HDAC7: variants seen among roughly 807,000 people sequenced by gnomAD.
HDAC7 encodes the protein histone deacetylase 7, also known as histone deacetylase 7A.
A neutral mutation model predicts 115.5 loss-of-function variants in HDAC7; 26 were observed. The observed-to-expected ratio is 0.23, with a 90% CI of 0.16 to 0.31. The LOEUF is 0.31. Ranked by LOEUF, HDAC7 falls within the 10% of genes least tolerant of loss-of-function variation. The pLI, the probability that HDAC7 is intolerant of heterozygous loss-of-function variation, is 1.00. For synonymous variants in HDAC7, 564 were observed against 550.9 expected (o/e 1.02, Z -0.33); for missense variants, 1,068 against 1,329.0 (o/e 0.80, Z 3.05).
chr12:47,797,451 G>A lies in HDAC7; in HGVS notation c.510C>T (p.Ser170=). Residue 170 remains serine (S), a synonymous_variant, in exon 6 of 26, where the codon AGC becomes AGT. Transcript: ENST00000080059. This position sits in a 1 kb window ranked among gnomAD's most constrained non-coding sequence, Gnocchi z 5.5. Reference sequence around the variant, plus strand: ...GGCTGGGAACAGGAGGCAAAAAGCTGCTGAGCATGGAGCGGGTGGCTCCTT... The same window carrying A: ...GGCTGGGAACAGGAGGCAAAAAGCTACTGAGCATGGAGCGGGTGGCTCCTT... ...ETEGATRSML[S]SFLPPVPSLP... 3 of 1,614,196 alleles carry A rather than the reference G, an allele frequency of 1.9e-6. No individual in the cohort carries two copies. The highest frequency in any genetic ancestry group is 2.5e-6 in the Non-Finnish European group (3 of 1,180,014).
rs1190564229 is a variant in HDAC7, at chr12:47,791,686, G to A, written c.1833C>T (p.Ala611=). ...SQCECLRGRK[A]SLEELQSVHS... is the part of the protein sequence containing the mutation. ...GGACCGACTGCAGCTCTTCCAGGGAGGCCTTCCGGCCTCGGAGACACTGAA... is the reference window on the plus strand; with the variant it reads ...GGACCGACTGCAGCTCTTCCAGGGAAGCCTTCCGGCCTCGGAGACACTGAA... The change falls in exon 15 of 26, where the codon GCC becomes GCT. Residue 611 remains alanine (A), a synonymous_variant. Transcript: ENST00000080059. 7 of 1,613,620 alleles carry A rather than the reference G, an allele frequency of 4.3e-6. No individual in the cohort carries two copies. Among genetic ancestry groups the A allele is most frequent in the South Asian group, 1.1e-5 (1 of 91,074 alleles).
intron 8 of HDAC7, 87 bp from the exon 9 acceptor site, chr12:47,796,103 G>T (rs1464620903): frequency 6.6e-7 from 1 of 1,515,904 alleles, no homozygotes; most frequent in Non-Finnish European, 9.0e-7. Context: ...GCTCTGGCAG[G>T]GGCTGCCCAG....
At chr12:47,806,561 G>A (rs754691624) in intron 1 of HDAC7, among the ~76,000 whole-genome samples, 41 of 152,088 alleles carry the variant, frequency 2.7e-4, no homozygotes, top group Non-Finnish European at 5.3e-4. Flanking sequence ...TGGTGGCGGG[G>A]AGCATGTAGT....
In HDAC7 at chr12:47,793,534, C is replaced by G; in HGVS notation, c.1513G>C (p.Gly505Arg). The change falls in exon 13 of 26, where the codon GGG (glycine) becomes CGG (arginine). Residue 505 changes from glycine to arginine, a missense_variant. Around this residue, in one of 6 missense-constraint regions of HDAC7, gnomAD observed 618 missense variants for 701.5 expected, o/e 0.88. Transcript: ENST00000080059. This position sits in a 1 kb window ranked among gnomAD's most constrained non-coding sequence, Gnocchi z 4.5. ...LAGRLPRGST[G>R]DTVLLPLAQG... Reference sequence around the variant, plus strand: ...GCCAGAGGAAGCAGCACAGTGTCCCCGGTGCTGCCCCGGGGGAGCCGCCCA... The same window carrying G: ...GCCAGAGGAAGCAGCACAGTGTCCCGGGTGCTGCCCCGGGGGAGCCGCCCA... The G allele has an allele frequency of 6.5e-7, 1 of 1,547,734 alleles. No individual in the cohort carries two copies.
rs964610043 is a variant in HDAC7 at position 47,786,037 on chromosome 12, G to A, written c.2573-152C>T. On this transcript the variant is annotated intron_variant, in intron 22 of 25. Coordinates refer to ENST00000080059, the MANE Select transcript of HDAC7 (RefSeq NM_015401.5). The stretch of plus-strand genomic sequence containing the variant: ...CCAAAGTGCTTTCACATTGAATGTC[G>A]TACAAAACCTACTAGTATGCTTCAC... The A allele has an allele frequency of 1.2e-4, 97 of 800,004 alleles. 1 individual carries two copies. Among genetic ancestry groups the A allele is most frequent in the Middle Eastern group, 7.1e-4 (2 of 2,836 alleles). 49.6% of individuals were successfully genotyped at this position (800,004 alleles called of 1,614,324 possible).
At chr12:47,821,259 A>T (rs1303569149), upstream of HDAC7, among the ~76,000 whole-genome samples, 1 of 152,198 alleles carries the variant, frequency 6.6e-6, no homozygotes, top group Non-Finnish European at 1.5e-5. Flanking sequence ...CTGGCGGTGA[A>T]CTTCAAACCA....
chr12:47,804,100 T>G (rs929569980), intron 1 of HDAC7, among the ~76,000 whole-genome samples: 2 of 152,158 alleles, frequency 1.3e-5, no homozygotes, highest in Non-Finnish European at 2.9e-5. Flanking sequence ...ACTCTCTGGA[T>G]AGGAGAAAAA....
At chr12:47,792,294 C>T (rs1405532934) in intron 13 of HDAC7, 17 of 476,638 alleles carry the variant, frequency 3.6e-5, no homozygotes, top group East Asian at 1.5e-4. Context: ...CATGCGGACA[C>T]GACTGCTGGG....
chr12:47,784,708 G>T, intron 24 of HDAC7: 1 of 1,535,084 alleles, frequency 6.5e-7, no homozygotes, highest in Non-Finnish European at 8.7e-7. Flanking sequence ...CACCACGGCC[G>T]CTCTGCATGG....
intron 1 of HDAC7, among the ~76,000 whole-genome samples, chr12:47,815,382 G>T (rs11168250): frequency 0.16 from 24,009 of 152,202 alleles, 2,505 homozygotes; most frequent in Non-Finnish European, 0.23. Flanking sequence ...ACAGGTCTTA[G>T]AAGCCTTGAG....
chr12:47,783,515 C>T lies in HDAC7; in HGVS notation c.*326G>A, dbSNP rs1942977176. 8.1e-6 allele frequency: 3 copies of T among 370,490 alleles called. No homozygotes were observed. Among genetic ancestry groups the T allele is most frequent in the Admixed American group, 3.7e-5 (1 of 26,710 alleles). 23.0% of individuals were successfully genotyped at this position (370,490 alleles called of 1,614,324 possible). On this transcript the variant is annotated 3_prime_UTR_variant, in exon 26 of 26. Coordinates refer to ENST00000080059, the MANE Select transcript of HDAC7 (RefSeq NM_015401.5). The stretch of plus-strand genomic sequence containing the variant: ...GAATAGTGGTTAAGGGTGAGCCCGA[C>T]GGAGCCGGAGCCAGTCCTCCTCTGT...
At position 47,795,684 on chromosome 12, in the gene HDAC7, G is replaced by A. The variant is rs1050433266; in HGVS notation, c.990C>T (p.Pro330=). 9.7e-6 allele frequency: 15 copies of A among 1,551,892 alleles called. No individual in the cohort carries two copies. The highest frequency in any genetic ancestry group is 1.3e-5 in the Non-Finnish European group (15 of 1,147,314). ...LGSPHTPLFL[P]HGLEPEAGGT... Reference sequence around the variant, plus strand: ...CCCCAGCCTCGGGCTCCAAGCCATGGGGCAGGAAGAGGGGAGTGTGGGGGC... The same window carrying A: ...CCCCAGCCTCGGGCTCCAAGCCATGAGGCAGGAAGAGGGGAGTGTGGGGGC... The change falls in exon 10 of 26, where the codon CCC becomes CCT. Residue 330 remains proline (P), a synonymous_variant. Transcript: ENST00000080059. The surrounding 1 kb of genome is among the most constrained non-coding windows in gnomAD (Gnocchi z 4.3).
rs756918861 is a variant in HDAC7, at chr12:47,797,091, C to T, written c.629G>A (p.Arg210Gln). 8 of 1,608,792 alleles carry T rather than the reference C, an allele frequency of 5.0e-6. No homozygotes were observed. The highest frequency in any genetic ancestry group is 1.3e-5 in the African/African-American group (1 of 74,608). Residue 210 changes from arginine to glutamine, a missense_variant, in exon 7 of 26, where the codon CGG becomes CAG. Arg to Gln is a conservative substitution (Grantham distance 43). Around this residue, in one of 6 missense-constraint regions of HDAC7, gnomAD observed 618 missense variants for 701.5 expected, o/e 0.88. Coordinates refer to ENST00000080059, the MANE Select transcript of HDAC7 (RefSeq NM_015401.5). The surrounding 1 kb of genome is among the most constrained non-coding windows in gnomAD (Gnocchi z 5.5). ...CTTTCGGAGCAGTGGATTCTTCCTCCGCTCCAGGGACTTCTTGGGCTTATA... is the reference window on the plus strand; with the variant it reads ...CTTTCGGAGCAGTGGATTCTTCCTCTGCTCCAGGGACTTCTTGGGCTTATA... The part of the protein sequence containing the change: ...LRYKPKKSLE[R>Q]RKNPLLRKES...
In HDAC7 at chr12:47,819,520, G is replaced by A. The variant is rs1359555097; in HGVS notation, c.19+247C>T. 2.6e-5 allele frequency among the ~76,000 whole-genome samples: 4 copies of A among 151,900 alleles called. No homozygotes were observed. The South Asian group carries it at 8.3e-4, about 31-fold the overall frequency. ...TGCCCCGGGGCGGGCGGATGTGGGC[G>A]CCCCGCGGGAGGCCCGAGCCCTCCG... On this transcript the variant is annotated intron_variant, in intron 1 of 25. Transcript: ENST00000080059.
In HDAC7 at chr12:47,795,075, CCT is replaced by C; in HGVS notation, c.1284+107_1284+108del. 7.7e-7 allele frequency: 1 copy of C among 1,304,904 alleles called. No homozygotes were observed. Among genetic ancestry groups the C allele is most frequent in the Non-Finnish European group, 1.1e-6 (1 of 931,712 alleles). The allele number at this position is 1,304,904 out of a possible 1,614,324, so 80.8% of individuals were successfully genotyped here. On this transcript the variant is annotated intron_variant, in intron 11 of 25. Coordinates refer to ENST00000080059, the MANE Select transcript of HDAC7 (RefSeq NM_015401.5). This position sits in a 1 kb window ranked among gnomAD's most constrained non-coding sequence, Gnocchi z 4.3. The stretch of plus-strand genomic sequence containing the variant: ...TCTGGGCCCCAAGAAGCCACATCCC[CCT>C]CTTTTGCCCTCCAGTTCCCTGCCCT...
intron 1 of HDAC7, chr12:47,817,806 A>G (rs879476424): frequency 5.3e-5 from 8 of 152,378 alleles, no homozygotes; most frequent in Admixed American, 5.2e-4. Flanking sequence ...TCTGTCTTCC[A>G]AGTCCTTGGG....
At chr12:47,805,072 A>AATTTT (rs1944338772) in intron 1 of HDAC7, among the ~76,000 whole-genome samples, 1 of 141,220 alleles carries the variant, frequency 7.1e-6, no homozygotes, top group South Asian at 2.2e-4. Flanking sequence ...GTCTTTTCTT[A>AATTTT]ATTTTTTTTT....
chr12:47,810,820 C>G (rs74085232), intron 1 of HDAC7, among the ~76,000 whole-genome samples: 1 of 95,652 alleles, frequency 1.0e-5, no homozygotes, highest in African/African-American at 4.9e-5. Flanking sequence ...CTCTCTCTCT[C>G]TCTCTCTCTC....
chr12:47,795,939 G>A lies in HDAC7; in HGVS notation c.873C>T (p.Pro291=), dbSNP rs756567076. Residue 291 remains proline, a synonymous_variant, in exon 9 of 26, where the codon CCC becomes CCT. Coordinates refer to ENST00000080059, the MANE Select transcript of HDAC7 (RefSeq NM_015401.5). The surrounding 1 kb of genome is among the most constrained non-coding windows in gnomAD (Gnocchi z 4.3). ...GGGCGGGCAGCCCCAGAGTGATTGC[G>A]GGCAGCAAGGACACTGTCGGCAAGG... ...PFALPTVSLL[P]AITLGLPAPA... 5.9e-5 allele frequency: 91 copies of A among 1,550,916 alleles called. No homozygotes were observed. In the Middle Eastern group the frequency reaches 1.0e-3, roughly 17 times the overall value.
Sources: allele counts gnomAD v4.1 joint callset (sites outside exome capture counted in the v4.1 genomes callset), GRCh38; gene constraint gnomAD v4.1.1; regional missense constraint gnomAD v4.1.1; non-coding constraint Gnocchi (gnomAD v3.1); transcripts MANE v1.5; gene names NCBI Gene and HGNC (gene_info 2026-07-23, HGNC 2026-07-21).